WRN: variants seen among roughly 807,000 people sequenced by gnomAD.
WRN encodes bifunctional 3'-5' exonuclease/ATP-dependent helicase WRN.
A neutral mutation model predicts 180.7 loss-of-function variants in WRN; 149 were observed. That is an observed-to-expected ratio of 0.82 (90% CI 0.72 to 0.94). The LOEUF (loss-of-function observed/expected upper bound fraction) is 0.94. Among genes scored for constraint, WRN ranks in the 40% least tolerant of loss-of-function variants. The probability of loss-of-function intolerance (pLI) is 0.00; values close to 1 mark genes in which losing one functional copy is unlikely to be tolerated. For synonymous variants in WRN, 548 were observed against 568.9 expected, an observed-to-expected ratio of 0.96 and a Z score of 0.52; for missense variants, 1,661 against 1,700.1, an observed-to-expected ratio of 0.98 and a Z score of 0.40.
At chr8:31,134,740 A>AT (rs1802334202) in intron 24 of WRN, among the ~76,000 whole-genome samples, 1 of 152,198 alleles carries the variant, frequency 6.6e-6, no homozygotes. Flanking sequence ...ATAATACATG[A>AT]TTTGACTATA....
At chr8:31,066,168 G>T (rs1326035424) in intron 5 of WRN, among the ~76,000 whole-genome samples, 1 of 150,928 alleles carries the variant, frequency 6.6e-6, no homozygotes. Context: ...GTGAGCCACC[G>T]CACCTGGCCG....
At chr8:31,160,128 A>T (rs537878734) in intron 33 of WRN, among the ~76,000 whole-genome samples, 1 of 152,248 alleles carries the variant, frequency 6.6e-6, no homozygotes, top group East Asian at 1.9e-4. Flanking sequence ...AAATTGGGAA[A>T]AATTTATATT....
In WRN at chr8:31,090,873, A is replaced by T. The variant is rs137977751; in HGVS notation, c.1760A>T (p.Tyr587Phe). 6.2e-7 allele frequency: 1 copy of T among 1,612,876 alleles called. No individual in the cohort carries two copies. The highest frequency in any genetic ancestry group is 2.2e-5 in the East Asian group (1 of 44,794). ...TTGTGCTTCCAGTATCCACCTGTTT[A>T]TGTAGGCAAGATTGGCCTTGTTATC... The part of the protein sequence containing the change: ...KSLCFQYPPV[Y>F]VGKIGLVISP... The change falls in exon 15 of 35, where the codon TAT becomes TTT. Residue 587 changes from tyrosine (Y) to phenylalanine (F), a missense_variant. Physicochemically the swap from Tyr to Phe is conservative, Grantham distance 22. Transcript: ENST00000298139.
intron 1 of WRN, among the ~76,000 whole-genome samples, chr8:31,039,490 C>T (rs186988710): frequency 1.3e-5 from 2 of 152,176 alleles, no homozygotes; most frequent in African/African-American, 4.8e-5. Context: ...ATTATGTCAT[C>T]TGTATATAGA....
rs1804193727 is a variant in WRN at position 31,174,046 on chromosome 8, A to G, written c.*944A>G. Among the ~76,000 whole-genome samples the G allele has an allele frequency of 6.6e-6, 1 of 152,258 alleles. No individual in the cohort carries two copies. Among genetic ancestry groups the G allele is most frequent in the African/African-American group, 2.4e-5 (1 of 41,468 alleles). On this transcript the variant is annotated 3_prime_UTR_variant, in exon 35 of 35. Transcript: ENST00000298139. ...ATCCAGGGAAGTGAGAAAAATGAAA[A>G]TAAAAATCATTCATAGTTTTACTAG...
chr8:31,127,426 A>G (rs1801968275), intron 23 of WRN, among the ~76,000 whole-genome samples: 1 of 152,170 alleles, frequency 6.6e-6, no homozygotes, highest in South Asian at 2.1e-4. Flanking sequence ...TTGAAAAAAT[A>G]AAATAAAAAC....
At chr8:31,127,287 T>C (rs1408027345) in intron 23 of WRN, among the ~76,000 whole-genome samples, 1 of 152,186 alleles carries the variant, frequency 6.6e-6, no homozygotes, top group Non-Finnish European at 1.5e-5. Flanking sequence ...TTCCAAAGGA[T>C]AGTACAAGGC....
At chr8:31,106,647 T>TA (rs1252409124) in intron 18 of WRN, among the ~76,000 whole-genome samples, 3 of 152,302 alleles carry the variant, frequency 2.0e-5, no homozygotes, top group Admixed American at 2.0e-4. Context: ...GATTTAGGCC[T>TA]CCTGGGCCAC....
In WRN at chr8:31,173,281, T is replaced by C; in HGVS notation, c.*179T>C. ...TTCCGCAATTCATGTAGTTTCTGGG[T>C]CTTCTGGGAGCCTACGTGAGTACAT... On this transcript the variant is annotated 3_prime_UTR_variant, in exon 35 of 35. Transcript: ENST00000298139. The C allele has an allele frequency of 3.1e-6, 2 of 649,566 alleles. No homozygotes were observed. Among genetic ancestry groups the C allele is most frequent in the East Asian group, 5.6e-5 (2 of 35,670 alleles). 40.2% of individuals were successfully genotyped at this position (649,566 alleles called of 1,614,324 possible).
chr8:31,129,800 A>G (rs551866342), intron 23 of WRN, among the ~76,000 whole-genome samples: 2 of 151,988 alleles, frequency 1.3e-5, no homozygotes, highest in South Asian at 2.1e-4. Context: ...AGGTCAAGAG[A>G]TTGAAACCAT....
intron 24 of WRN, among the ~76,000 whole-genome samples, chr8:31,139,589 A>G (rs1802526961): frequency 6.6e-6 from 1 of 152,214 alleles, no homozygotes; most frequent in Non-Finnish European, 1.5e-5. Flanking sequence ...TGTAATAATC[A>G]GGAAGCTTCT....
At chr8:31,137,450 C>T (rs1396603336) in intron 24 of WRN, among the ~76,000 whole-genome samples, 1 of 152,028 alleles carries the variant, frequency 6.6e-6, no homozygotes, top group Non-Finnish European at 1.5e-5. Context: ...AAGGTGACCC[C>T]TAGCAGATGT....
chr8:31,169,373 C>T (rs1804019122), intron 34 of WRN, among the ~76,000 whole-genome samples: 1 of 151,772 alleles, frequency 6.6e-6, no homozygotes, highest in Admixed American at 6.6e-5. Context: ...ACCAAAGGAG[C>T]AACACTATTA....
At chr8:31,037,995 T>C (rs1811513260) in intron 1 of WRN, among the ~76,000 whole-genome samples, 1 of 152,212 alleles carries the variant, frequency 6.6e-6, no homozygotes, top group Non-Finnish European at 1.5e-5. Flanking sequence ...TTTATTCATA[T>C]GTTGATGGAC....
At chr8:31,049,986 C>T (rs1812024372) in intron 1 of WRN, among the ~76,000 whole-genome samples, 1 of 151,796 alleles carries the variant, frequency 6.6e-6, no homozygotes, top group South Asian at 2.1e-4. Context: ...AATATAATCC[C>T]ATTTTACAAA....
chr8:31,055,172 G>C (rs1465927332), intron 1 of WRN, among the ~76,000 whole-genome samples: 1 of 152,132 alleles, frequency 6.6e-6, no homozygotes, highest in Admixed American at 6.5e-5. Context: ...TAGTGCTGCA[G>C]TGAACATGAA....
chr8:31,081,213 G>A lies in WRN; in HGVS notation c.1186G>A (p.Asp396Asn), dbSNP rs1206180521. ...GGAAAGAGCTTGTTTGATGTCGTTA[G>A]ATATTACAGAACATGAACTCCAAAT... Reference protein sequence around the residue: ...NMERACLMSLDITEHELQILE... With the variant: ...NMERACLMSLNITEHELQILE... Residue 396 changes from aspartate (D) to asparagine (N), a missense_variant, in exon 9 of 35, where the codon GAT becomes AAT. By Grantham distance (23) the Asp-to-Asn change is conservative (BLOSUM62 1). Transcript: ENST00000298139. The A allele has an allele frequency of 6.2e-7, 1 of 1,613,592 alleles. No homozygotes were observed. Among genetic ancestry groups the A allele is most frequent in the Non-Finnish European group, 8.5e-7 (1 of 1,179,704 alleles).
At chr8:31,171,074 G>A (rs1037865514) in intron 34 of WRN, 1 of 152,112 alleles carries the variant, frequency 6.6e-6, no homozygotes, top group African/African-American at 2.4e-5. Context: ...CTGTGAAGAC[G>A]TTGAAGCTTA....
At chr8:31,160,127 A>G (rs930654690) in intron 33 of WRN, among the ~76,000 whole-genome samples, 1 of 152,152 alleles carries the variant, frequency 6.6e-6, no homozygotes, top group Non-Finnish European at 1.5e-5. Context: ...AAAATTGGGA[A>G]AAATTTATAT....
Sources: gnomAD v4.1 joint callset for allele counts (sites outside exome capture counted in the v4.1 genomes callset) on GRCh38, gnomAD v4.1.1 for gene constraint, MANE v1.5 for transcripts, NCBI Gene and HGNC (gene_info 2026-07-23, HGNC 2026-07-21) for gene names.